NDE1: variants seen among roughly 807,000 people sequenced by gnomAD.
The protein encoded by NDE1 is nuclear distribution protein nudE homolog 1.
NDE1 carries 28 observed loss-of-function variants against 43.4 expected under a neutral mutation model. The ratio of observed to expected loss-of-function variants is 0.65; its 90% CI spans 0.48 to 0.89. The LOEUF is 0.89. NDE1 is among the 40% of genes least tolerant of loss of function. The pLI, the probability that NDE1 is intolerant of heterozygous loss-of-function variation, is 0.00. For synonymous variants in NDE1, 184 were observed against 172.0 expected, an observed-to-expected ratio of 1.07 and a Z score of -0.55; for missense variants, 441 against 434.1, an observed-to-expected ratio of 1.02 and a Z score of -0.14.
At chr16:15,717,393 A>G (rs2040218456) in intron 8 of NDE1, 3 of 1,593,540 alleles carry the variant, frequency 1.9e-6, no homozygotes, top group South Asian at 2.2e-5. Flanking sequence ...AGGGAAGCCC[A>G]AGAGAGCGCA....
chr16:15,681,450 A>T (rs555196274), intron 4 of NDE1, among the ~76,000 whole-genome samples: 1 of 150,664 alleles, frequency 6.6e-6, no homozygotes, highest in East Asian at 1.9e-4. Context: ...TTTTTTGTAG[A>T]TACAGGGTTT....
intron 7 of NDE1, chr16:15,695,035 T>G: frequency 2.4e-6 from 1 of 421,224 alleles, no homozygotes; most frequent in Non-Finnish European, 3.2e-6. Context: ...ATGCAAAAAT[T>G]AGCCAGGCCT....
At chr16:15,722,094 AG>A (rs1242234956) in intron 8 of NDE1, among the ~76,000 whole-genome samples, 1 of 152,084 alleles carries the variant, frequency 6.6e-6, no homozygotes, top group Non-Finnish European at 1.5e-5. Context: ...CTGACCCTCA[AG>A]TGAGCCTCCT....
intron 3 of NDE1, among the ~76,000 whole-genome samples, chr16:15,671,342 A>G (rs553607780): frequency 1.3e-5 from 2 of 152,086 alleles, no homozygotes; most frequent in South Asian, 4.2e-4. Flanking sequence ...TGTCTCTACA[A>G]AAAAATAAAA....
chr16:15,668,085 C>T (rs182720947), intron 3 of NDE1, among the ~76,000 whole-genome samples: 3 of 152,024 alleles, frequency 2.0e-5, no homozygotes, highest in South Asian at 2.1e-4. Context: ...TCACCTGGGC[C>T]GGGCGAGGTG....
In NDE1 at chr16:15,694,159, A is replaced by G. The variant is rs772265839; in HGVS notation, c.704-6A>G. 20 of 1,611,994 alleles carry G rather than the reference A, an allele frequency of 1.2e-5. No homozygotes were observed. Among genetic ancestry groups the G allele is most frequent in the Admixed American group, 3.3e-5 (2 of 59,966 alleles). Reference sequence around the variant, plus strand: ...GAGTTACATGCTCTTCCCTTTGCACACCCAGGCCTGGACGACTCCACCGGG... The same window carrying G: ...GAGTTACATGCTCTTCCCTTTGCACGCCCAGGCCTGGACGACTCCACCGGG... On this transcript the variant is annotated splice_polypyrimidine_tract_variant and splice_region_variant and intron_variant, in intron 6 of 8. Transcript: ENST00000396354.
At chr16:15,672,854 G>A (rs945311563) in intron 3 of NDE1, 1 of 152,166 alleles carries the variant, frequency 6.6e-6, no homozygotes, top group Non-Finnish European at 1.5e-5. Context: ...CTGGGAACAG[G>A]GCCTGGTCTG....
intron 8 of NDE1, chr16:15,721,475 G>C: frequency 1.2e-6 from 2 of 1,614,182 alleles, no homozygotes; most frequent in Non-Finnish European, 1.7e-6. Flanking sequence ...TCGGCTTTGA[G>C]CATTTTGTTG....
chr16:15,691,975 CACTG>C (rs988790926), intron 6 of NDE1, among the ~76,000 whole-genome samples: 40 of 152,134 alleles, frequency 2.6e-4, no homozygotes, highest in African/African-American at 8.7e-4. Flanking sequence ...TTTGAAATGT[CACTG>C]ACCAAATACA....
In NDE1 at chr16:15,725,607, T is replaced by G. The variant is rs2040715196; in HGVS notation, c.*1356T>G. 5.9e-5 allele frequency: 24 copies of G among 405,414 alleles called. No homozygotes were observed. In the East Asian group the frequency reaches 8.5e-4, roughly 14 times the overall value. 25.1% of individuals were successfully genotyped at this position (405,414 alleles called of 1,614,324 possible). ...CCATCTCTTCCATTGACAAGGAGGA[T>G]ATGAATGATCTTGACACTGCTTATA... On this transcript the variant is annotated 3_prime_UTR_variant, in exon 9 of 9. Transcript: ENST00000396354.
chr16:15,693,077 C>G (rs2038832318), intron 6 of NDE1, among the ~76,000 whole-genome samples: 1 of 151,978 alleles, frequency 6.6e-6, no homozygotes, highest in Non-Finnish European at 1.5e-5. Context: ...TCTTGGCTCA[C>G]TGCAGCCTCT....
intron 4 of NDE1, among the ~76,000 whole-genome samples, chr16:15,679,688 T>G (rs1405755499): frequency 1.3e-5 from 2 of 152,220 alleles, no homozygotes; most frequent in Admixed American, 6.6e-5. Flanking sequence ...ATTTTCTTTA[T>G]ACTCCACGCA....
upstream of NDE1, among the ~76,000 whole-genome samples, chr16:15,647,198 T>C (rs1282683785): frequency 6.6e-6 from 1 of 152,222 alleles, no homozygotes; most frequent in African/African-American, 2.4e-5. Flanking sequence ...TTCCCCTTTG[T>C]GCCTCTAAGC....
At chr16:15,688,898 A>G (rs1467772514) in intron 5 of NDE1, among the ~76,000 whole-genome samples, 4 of 151,126 alleles carry the variant, frequency 2.6e-5, no homozygotes, top group African/African-American at 7.3e-5. Flanking sequence ...GGGTTTCACC[A>G]TGTTGGCCAG....
chr16:15,693,204 C>T (rs1418705592), intron 6 of NDE1, among the ~76,000 whole-genome samples: 3 of 152,192 alleles, frequency 2.0e-5, no homozygotes, highest in East Asian at 3.9e-4. Context: ...AAGATTTTGC[C>T]ATGTTGGCCA....
intron 1 of NDE1, among the ~76,000 whole-genome samples, chr16:15,644,688 T>C (rs1003919308): frequency 2.0e-5 from 3 of 152,210 alleles, no homozygotes; most frequent in African/African-American, 7.2e-5. Context: ...GAGATTAGAA[T>C]AGATGAAAAA....
intron 8 of NDE1, among the ~76,000 whole-genome samples, chr16:15,704,920 TCTC>T (rs1157319627): frequency 1.3e-5 from 2 of 151,864 alleles, no homozygotes; most frequent in Admixed American, 1.3e-4. Context: ...CTCAAGCAGT[TCTC>T]CTACCTTGGC....
chr16:15,643,428 G>A, exon 1 of NDE1: 1 of 459,442 alleles, frequency 2.2e-6, no homozygotes, highest in East Asian at 7.6e-5. Context: ...GAGTCGAAAG[G>A]AACCTTGAAG....
intron 8 of NDE1, chr16:15,703,837 G>A: frequency 2.0e-6 from 2 of 1,003,820 alleles, no homozygotes; most frequent in South Asian, 1.3e-5. Context: ...TGTGTGAGGG[G>A]TGTCTGTGAT....
Sources: gnomAD v4.1 joint callset for allele counts (sites outside exome capture counted in the v4.1 genomes callset) on GRCh38, gnomAD v4.1.1 for gene constraint, MANE v1.5 for transcripts, NCBI Gene and HGNC (gene_info 2026-07-23, HGNC 2026-07-21) for gene names.